Variants in ZNF540 observed in about 807,000 individuals in gnomAD.
ZNF540 encodes CTD-3064H18.6.
In ZNF540, 3 loss-of-function variants were observed where a neutral mutation model predicts 11.8. The ratio of observed to expected loss-of-function variants is 0.25; its 90% CI spans 0.12 to 0.65. ZNF540 has a LOEUF of 0.65. ZNF540 is among the 30% of genes least tolerant of loss of function. The probability of loss-of-function intolerance (pLI) is 0.83; values close to 1 mark genes in which losing one functional copy is unlikely to be tolerated. For missense variants in ZNF540, 709 were observed against 793.1 expected (o/e 0.89, Z 1.27); for synonymous variants, 247 against 259.0 (o/e 0.95, Z 0.45).
intron 1 of ZNF540, among the ~76,000 whole-genome samples, chr19:37,587,613 A>G (rs962572236): frequency 1.3e-5 from 2 of 150,708 alleles, no homozygotes; most frequent in African/African-American, 4.9e-5. Flanking sequence ...TTTTGGTAGC[A>G]TTGATCTTGC....
intron 4 of ZNF540, among the ~76,000 whole-genome samples, chr19:37,602,010 CAG>C (rs749154540): frequency 3.3e-5 from 5 of 152,206 alleles, no homozygotes; most frequent in Non-Finnish European, 5.9e-5. Context: ...ATATACTAAA[CAG>C]GGGCAAGATT....
intron 1 of ZNF540, among the ~76,000 whole-genome samples, 197 bp from the exon 2 acceptor site, chr19:37,598,179 G>A (rs1357575554): frequency 6.6e-6 from 1 of 152,226 alleles, no homozygotes; most frequent in Non-Finnish European, 1.5e-5. Context: ...TCTAATGCAG[G>A]ATAACCTCTG....
At chr19:37,609,479 C>T (rs879751271) in intron 4 of ZNF540, among the ~76,000 whole-genome samples, 2 of 150,542 alleles carry the variant, frequency 1.3e-5, no homozygotes, top group Non-Finnish European at 3.0e-5. Context: ...TGGGAGGCAG[C>T]GGTTGCAGTG....
At position 37,612,482 on chromosome 19, in the gene ZNF540, A is replaced by G. The variant is rs776030987; in HGVS notation, c.1202A>G (p.His401Arg). 1 of 1,614,232 alleles carries G rather than the reference A, an allele frequency of 6.2e-7. No homozygotes were observed. Among genetic ancestry groups the G allele is most frequent in the Non-Finnish European group, 8.5e-7 (1 of 1,180,038 alleles). The change falls in exon 5 of 5, where the codon CAT becomes CGT. Residue 401 changes from histidine (H) to arginine (R), a missense_variant. Transcript: ENST00000316433. ...AATGTGCGTGGACAGCTTAATCGGCATAAAACAATCCATACTGGTATAAAA... is the reference window on the plus strand; with the variant it reads ...AATGTGCGTGGACAGCTTAATCGGCGTAAAACAATCCATACTGGTATAAAA... Reference protein sequence around the residue: ...SFNVRGQLNRHKTIHTGIKPF... With the variant: ...SFNVRGQLNRRKTIHTGIKPF...
At chr19:37,590,428 G>GA (rs1028784316), upstream of ZNF540, among the ~76,000 whole-genome samples, 8 of 135,868 alleles carry the variant, frequency 5.9e-5, no homozygotes, top group African/African-American at 2.0e-4. Context: ...AAAAAAAGAA[G>GA]AAGAAAAAAA....
At chr19:37,590,162 T>C (rs2043824915), upstream of ZNF540, among the ~76,000 whole-genome samples, 1 of 151,972 alleles carries the variant, frequency 6.6e-6, no homozygotes, top group Non-Finnish European at 1.5e-5. Flanking sequence ...ATCCCAGCAC[T>C]TCAGGAGGCC....
At position 37,601,113 on chromosome 19, in the gene ZNF540, G is replaced by A. The variant is rs2044036440; in HGVS notation, c.232+8G>A. ...CAGGAAGACAGTGCCCCGGTGAGTTGAGAGTTCATCAGGCAGATGGAAGCC... is the reference window on the plus strand; with the variant it reads ...CAGGAAGACAGTGCCCCGGTGAGTTAAGAGTTCATCAGGCAGATGGAAGCC... On this transcript the variant is annotated splice_region_variant and intron_variant, in intron 4 of 4. Coordinates refer to ENST00000316433, the MANE Select transcript of ZNF540 (RefSeq NM_001172225.3). 1.9e-6 allele frequency: 3 copies of A among 1,566,738 alleles called. No individual in the cohort carries two copies. The highest frequency in any genetic ancestry group is 1.9e-5 in the Admixed American group (1 of 52,786).
intron 4 of ZNF540, among the ~76,000 whole-genome samples, chr19:37,610,668 G>C (rs1036573117): frequency 6.6e-6 from 1 of 152,166 alleles, no homozygotes; most frequent in Non-Finnish European, 1.5e-5. Context: ...CTGAATAGAA[G>C]CAAGTCATAA....
intron 1 of ZNF540, among the ~76,000 whole-genome samples, chr19:37,559,121 G>A (rs1341421845): frequency 6.6e-6 from 1 of 152,184 alleles, no homozygotes; most frequent in Non-Finnish European, 1.5e-5. Flanking sequence ...ATACAGGCAT[G>A]AGCCACCACA....
At chr19:37,586,840 T>C (rs1325681626) in intron 1 of ZNF540, 30 of 744,294 alleles carry the variant, frequency 4.0e-5, no homozygotes, top group Non-Finnish European at 5.8e-5. Context: ...TTTTGGGAAT[T>C]TGGAAAAAAT....
intron 1 of ZNF540, chr19:37,555,518 G>C (rs1400241951): frequency 4.9e-6 from 1 of 204,414 alleles, no homozygotes; most frequent in Non-Finnish European, 9.9e-6. Context: ...AGGGGTTCCA[G>C]TTGAACATGC....
chr19:37,565,665 T>A, intron 1 of ZNF540: 1 of 1,613,282 alleles, frequency 6.2e-7, no homozygotes, highest in Non-Finnish European at 8.5e-7. Context: ...TTTCCACATT[T>A]CTTACATTCA....
At chr19:37,602,304 A>G (rs2044045402) in intron 4 of ZNF540, among the ~76,000 whole-genome samples, 1 of 152,176 alleles carries the variant, frequency 6.6e-6, no homozygotes, top group South Asian at 2.1e-4. Context: ...TAAAATGCCT[A>G]CTTGTCATCA....
intron 1 of ZNF540, chr19:37,570,048 A>C (rs2042999699): frequency 6.6e-6 from 1 of 152,168 alleles, no homozygotes; most frequent in South Asian, 2.1e-4. Flanking sequence ...AGAGATCTCA[A>C]TTTCCATAAG....
At position 37,598,445 on chromosome 19, in the gene ZNF540, A is replaced by G. The variant is rs761186295; in HGVS notation, c.-3A>G. On this transcript the variant is annotated 5_prime_UTR_variant, in exon 2 of 5. Transcript: ENST00000316433. The stretch of plus-strand genomic sequence containing the variant: ...ACTGAGCAGTTCTTGTGAGTGTAAA[A>G]CCATGGCCCATGTAAGTCACAGTTT... 6 of 1,613,934 alleles carry G rather than the reference A, an allele frequency of 3.7e-6. No homozygotes were observed. The South Asian group carries it at 5.5e-5, about 15-fold the overall frequency.
chr19:37,553,952 C>T (rs1402291297), intron 1 of ZNF540, among the ~76,000 whole-genome samples: 3 of 152,162 alleles, frequency 2.0e-5, no homozygotes, highest in Admixed American at 6.5e-5. Flanking sequence ...TTTCCATCTG[C>T]ATTTGTTGGT....
intron 2 of ZNF540, among the ~76,000 whole-genome samples, 174 bp downstream of exon 2, chr19:37,598,630 AC>A (rs377559964): frequency 8.7e-4 from 132 of 152,198 alleles, no homozygotes; most frequent in African/African-American, 2.9e-3. Context: ...ACATTGACCA[AC>A]TCATTCAGGG....
chr19:37,564,638 C>T, intron 1 of ZNF540: 2 of 1,576,960 alleles, frequency 1.3e-6, no homozygotes, highest in Non-Finnish European at 1.7e-6. Flanking sequence ...TTGTGAAGGA[C>T]ATCTAAAGTC....
chr19:37,606,150 A>T (rs886383855), intron 4 of ZNF540, among the ~76,000 whole-genome samples: 2 of 152,176 alleles, frequency 1.3e-5, no homozygotes, highest in South Asian at 4.1e-4. Context: ...TTTTCTGAAC[A>T]TTTCATATAA....
Sources: gnomAD v4.1 joint callset for allele counts (sites outside exome capture counted in the v4.1 genomes callset) on GRCh38, gnomAD v4.1.1 for gene constraint, MANE v1.5 for transcripts, NCBI Gene and HGNC (gene_info 2026-07-23, HGNC 2026-07-21) for gene names.